Variants in THRB observed in about 807,000 individuals in gnomAD.
The protein encoded by THRB is nuclear receptor subfamily 1 group A member 2.
A neutral mutation model predicts 47.8 loss-of-function variants in THRB; 12 were observed. The ratio of observed to expected loss-of-function variants is 0.25; its 90% confidence interval spans 0.16 to 0.41. The LOEUF is 0.41. Among genes scored for constraint, THRB ranks in the 10% least tolerant of loss-of-function variants. The probability of loss-of-function intolerance (pLI) is 1.00; values close to 1 mark genes in which losing one functional copy is unlikely to be tolerated. For missense variants in THRB, 348 were observed against 589.2 expected, an observed-to-expected ratio of 0.59 and a Z score of 4.24; for synonymous variants, 218 against 212.2, an observed-to-expected ratio of 1.03 and a Z score of -0.24.
chr3:24,300,150 C>T (rs1042484238), intron 2 of THRB, among the ~76,000 whole-genome samples: 3 of 152,182 alleles, frequency 2.0e-5, no homozygotes, highest in African/African-American at 7.2e-5. Context: ...GCCACCTCCT[C>T]ACCTGAGGCT....
intron 3 of THRB, among the ~76,000 whole-genome samples, chr3:24,266,275 G>C (rs2052638639): frequency 6.6e-6 from 1 of 152,158 alleles, no homozygotes; most frequent in African/African-American, 2.4e-5. Flanking sequence ...CAAGAAAGGA[G>C]TGTAACGCCA....
chr3:24,400,726 T>C (rs1013997624), intron 1 of THRB, among the ~76,000 whole-genome samples: 2 of 151,978 alleles, frequency 1.3e-5, no homozygotes, highest in Non-Finnish European at 2.9e-5. Flanking sequence ...CAAAATGGGG[T>C]TGATCCTAAA....
chr3:24,186,901 C>A (rs1193407727), intron 5 of THRB, among the ~76,000 whole-genome samples: 2 of 136,094 alleles, frequency 1.5e-5, no homozygotes, highest in African/African-American at 2.8e-5. Flanking sequence ...GCCGAGATTG[C>A]GCCACTGCAC....
intron 3 of THRB, among the ~76,000 whole-genome samples, chr3:24,269,637 T>C (rs2053119864): frequency 6.6e-6 from 1 of 150,590 alleles, no homozygotes; most frequent in Non-Finnish European, 1.5e-5. Context: ...AATCTCACCA[T>C]GTTGCCTCAG....
intron 5 of THRB, 22 bp from the exon 6 acceptor site, chr3:24,152,512 G>A: frequency 7.9e-7 from 1 of 1,260,618 alleles, no homozygotes; most frequent in East Asian, 2.3e-5. Context: ...ATAAAAGAAG[G>A]AATATTAAAA....
At chr3:24,342,303 G>A (rs1241252158) in intron 1 of THRB, among the ~76,000 whole-genome samples, 3 of 152,138 alleles carry the variant, frequency 2.0e-5, no homozygotes, top group East Asian at 1.9e-4. Context: ...AATAATGCAG[G>A]GGATTGATTA....
chr3:24,248,547 T>C (rs1459819278), intron 3 of THRB, among the ~76,000 whole-genome samples: 3 of 152,184 alleles, frequency 2.0e-5, no homozygotes, highest in Non-Finnish European at 4.4e-5. Flanking sequence ...TATTCTGTGA[T>C]GCTGGGGCTG....
intron 4 of THRB, among the ~76,000 whole-genome samples, chr3:24,197,683 C>G (rs1024252369): frequency 1.8e-4 from 27 of 152,106 alleles, no homozygotes; most frequent in African/African-American, 6.3e-4. Context: ...AGAGCACATA[C>G]AGGTTTTTAT....
Position 24,226,353 on chromosome 3 carries a change from C to T in THRB, c.22+2585G>A, listed in dbSNP as rs553402077. Among the ~76,000 whole-genome samples the T allele has an allele frequency of 3.9e-5, 6 of 152,194 alleles. No homozygotes were observed. In the East Asian group the frequency reaches 7.7e-4, roughly 20 times the overall value. The stretch of plus-strand genomic sequence containing the variant: ...CATGTACCCCTGAGCCCACTGCAAT[C>T]GAAGGAGGGAAAAGAACATTGTTTT... On this transcript the variant is annotated intron_variant, in intron 4 of 10. Coordinates refer to ENST00000646209, the MANE Select transcript of THRB (RefSeq NM_001354712.2).
At chr3:24,476,848 G>A (rs898915115) in intron 1 of THRB, among the ~76,000 whole-genome samples, 5 of 151,950 alleles carry the variant, frequency 3.3e-5, no homozygotes, top group Admixed American at 1.3e-4. Flanking sequence ...CAATTTTAAC[G>A]TTCCTATTTG....
chr3:24,223,319 A>G (rs989458486), intron 4 of THRB, among the ~76,000 whole-genome samples: 9 of 152,232 alleles, frequency 5.9e-5, no homozygotes, highest in African/African-American at 1.4e-4. Context: ...CGTCTAATTA[A>G]AAAGAACTAC....
upstream of THRB, chr3:24,495,686 C>G (rs992904470): frequency 2.0e-5 from 3 of 152,280 alleles, no homozygotes; most frequent in African/African-American, 4.8e-5. Context: ...TCCAGGAGCA[C>G]GTCTCGGCCT....
At chr3:24,145,256 T>G (rs1215981986) in intron 7 of THRB, among the ~76,000 whole-genome samples, 1 of 152,044 alleles carries the variant, frequency 6.6e-6, no homozygotes, top group East Asian at 1.9e-4. Context: ...CTCAGCTTAA[T>G]TCCAAAGGTC....
chr3:24,368,664 A>G (rs2064669210), intron 1 of THRB, among the ~76,000 whole-genome samples: 1 of 152,144 alleles, frequency 6.6e-6, no homozygotes, highest in African/African-American at 2.4e-5. Flanking sequence ...GTCCTTTACC[A>G]CAGAAGCCAA....
At chr3:24,130,441 A>C (rs913070353) in intron 9 of THRB, among the ~76,000 whole-genome samples, 1 of 152,186 alleles carries the variant, frequency 6.6e-6, no homozygotes, top group African/African-American at 2.4e-5. Context: ...CTGGAAAAAA[A>C]CCATCTCAGG....
intron 1 of THRB, among the ~76,000 whole-genome samples, chr3:24,484,705 GTA>G (rs1164082248): frequency 2.0e-5 from 3 of 152,142 alleles, no homozygotes; most frequent in African/African-American, 7.2e-5. Flanking sequence ...CACATATTGT[GTA>G]TGTCTGTTTT....
At chr3:24,410,063 T>C (rs2068154484) in intron 1 of THRB, among the ~76,000 whole-genome samples, 1 of 151,884 alleles carries the variant, frequency 6.6e-6, no homozygotes, top group African/African-American at 2.4e-5. Context: ...AGCCTGAAAC[T>C]GAATATCTAT....
chr3:24,358,447 T>C (rs2063838526), intron 1 of THRB, among the ~76,000 whole-genome samples: 1 of 152,182 alleles, frequency 6.6e-6, no homozygotes, highest in East Asian at 1.9e-4. Flanking sequence ...GAATTTATTT[T>C]GGCATAAGTA....
chr3:24,123,245 AGC>A (rs2032036359), intron 10 of THRB, 120 bp from the exon 11 acceptor site: 7 of 1,447,494 alleles, frequency 4.8e-6, no homozygotes, highest in Non-Finnish European at 6.7e-6. Flanking sequence ...CTTAGCCATG[AGC>A]ATGGATGCAG....
Sources: gnomAD v4.1 joint callset for allele counts (sites outside exome capture counted in the v4.1 genomes callset) on GRCh38, gnomAD v4.1.1 for gene constraint, MANE v1.5 for transcripts, NCBI Gene and HGNC (gene_info 2026-07-23, HGNC 2026-07-21) for gene names.